The following WDR64 variants were observed in gnomAD, a reference collection of about 807,000 sequenced individuals.
WDR64 encodes WD repeat domain 64, also known as WD repeat-containing protein 64.
A neutral mutation model predicts 139.3 loss-of-function variants in WDR64; 112 were observed. The observed-to-expected ratio is 0.80, with a 90% CI of 0.69 to 0.94. The LOEUF (loss-of-function observed/expected upper bound fraction) is 0.94. Ranked by LOEUF, WDR64 falls within the 40% of genes least tolerant of loss-of-function variation. The probability of loss-of-function intolerance (pLI) is 0.00; values close to 1 mark genes in which losing one functional copy is unlikely to be tolerated. For synonymous variants in WDR64, 444 were observed against 437.7 expected, an observed-to-expected ratio of 1.01 and a Z score of -0.18; for missense variants, 1,206 against 1,293.1, an observed-to-expected ratio of 0.93 and a Z score of 1.03.
intron 9 of WDR64, among the ~76,000 whole-genome samples, chr1:241,718,387 T>C (rs1052585850): frequency 2.0e-5 from 3 of 152,122 alleles, no homozygotes; most frequent in Non-Finnish European, 4.4e-5. Flanking sequence ...TCTAAAAGGG[T>C]GTAAACCTGG....
At chr1:241,723,491 T>C in intron 10 of WDR64, 55 bp downstream of exon 10, 1 of 1,577,098 alleles carries the variant, frequency 6.3e-7, no homozygotes, top group Non-Finnish European at 8.6e-7. Flanking sequence ...AATTATCTGT[T>C]GGAAGGCATA....
Position 241,801,743 on chromosome 1 carries a change from A to G in WDR64, c.*528A>G, listed in dbSNP as rs568487447. The G allele has an allele frequency of 1.8e-5, 7 of 398,490 alleles. No homozygotes were observed. Among genetic ancestry groups the G allele is most frequent in the African/African-American group, 1.4e-4 (7 of 48,638 alleles). 24.7% of individuals were successfully genotyped at this position (398,490 alleles called of 1,614,324 possible). A position where few individuals can be genotyped will look rare whatever the true frequency, so the allele number is the denominator to read the frequency against. On this transcript the variant is annotated 3_prime_UTR_variant, in exon 28 of 28. Transcript: ENST00000437684. Reference sequence around the variant, plus strand: ...TTTCTCAAAGTCAGAAATTATTTCTATGTAGTCCAGACCTGACTCCAGATA... The same window carrying G: ...TTTCTCAAAGTCAGAAATTATTTCTGTGTAGTCCAGACCTGACTCCAGATA...
At chr1:241,707,260 T>G (rs1183813008) in intron 8 of WDR64, among the ~76,000 whole-genome samples, 1 of 152,174 alleles carries the variant, frequency 6.6e-6, no homozygotes, top group African/African-American at 2.4e-5. Context: ...ACTCACTGAC[T>G]GAGGACCCAC....
At chr1:241,781,754 A>G (rs1358668068) in intron 22 of WDR64, among the ~76,000 whole-genome samples, 11 of 149,370 alleles carry the variant, frequency 7.4e-5, no homozygotes, top group African/African-American at 2.7e-4. Context: ...TTATAAAAAT[A>G]GAAGAGAATG....
chr1:241,684,811 T>G (rs1203498815), intron 7 of WDR64, among the ~76,000 whole-genome samples: 2 of 152,122 alleles, frequency 1.3e-5, no homozygotes, highest in Non-Finnish European at 2.9e-5. Context: ...AGGCTGGAGT[T>G]CAGTGGCGCA....
At chr1:241,670,549 A>G (rs552457906) in intron 2 of WDR64, among the ~76,000 whole-genome samples, 2 of 152,208 alleles carry the variant, frequency 1.3e-5, no homozygotes, top group Non-Finnish European at 2.9e-5. Flanking sequence ...TAACCGCTCA[A>G]AAATCATGCA....
intron 15 of WDR64, among the ~76,000 whole-genome samples, chr1:241,764,858 A>G (rs1468095624): frequency 6.6e-6 from 1 of 152,210 alleles, no homozygotes; most frequent in African/African-American, 2.4e-5. Context: ...TCTAACTTGA[A>G]TGATGAACTG....
chr1:241,679,384 C>A (rs1558468528), intron 5 of WDR64, 101 bp from the exon 6 acceptor site: 4 of 985,852 alleles, frequency 4.1e-6, no homozygotes, highest in Non-Finnish European at 6.2e-6. Context: ...AATAAGGCAG[C>A]AAAATGGAGC....
Position 241,770,607 on chromosome 1 carries a change from C to T in WDR64, c.2184-14C>T, listed in dbSNP as rs190752767. The stretch of plus-strand genomic sequence containing the variant: ...TTAAAGTTTTACCTGTGGGCTTCCC[C>T]ACTCCCCTTATAGGAGATCAAGTCA... On this transcript the variant is annotated splice_polypyrimidine_tract_variant and intron_variant, in intron 17 of 27. Coordinates refer to ENST00000437684, the MANE Select transcript of WDR64 (RefSeq NM_001367482.1). 2.2e-5 allele frequency: 34 copies of T among 1,548,914 alleles called. No homozygotes were observed. In the East Asian group the frequency reaches 7.9e-4, roughly 36 times the overall value.
intron 10 of WDR64, among the ~76,000 whole-genome samples, chr1:241,729,869 T>G (rs1037926913): frequency 2.6e-5 from 4 of 152,232 alleles, no homozygotes; most frequent in Admixed American, 2.0e-4. Flanking sequence ...GTTTCTTTGA[T>G]AATTGGAAAC....
intron 9 of WDR64, among the ~76,000 whole-genome samples, chr1:241,715,236 T>C (rs1206801741): frequency 1.3e-5 from 2 of 152,160 alleles, no homozygotes; most frequent in Non-Finnish European, 2.9e-5. Context: ...ACCAAACTAA[T>C]TACAGTTATT....
intron 4 of WDR64, among the ~76,000 whole-genome samples, chr1:241,675,085 T>TTCCTTCCTCCCTCCCTC (rs1666459932): frequency 1.1e-4 from 2 of 17,692 alleles, no homozygotes; most frequent in South Asian, 4.4e-3. Context: ...CTCCCTCCCT[T>TTCCTTCCTCCCTCCCTC]CATCCTTCCT....
chr1:241,655,400 CA>C (rs975738227), intron 1 of WDR64, among the ~76,000 whole-genome samples: 1 of 152,174 alleles, frequency 6.6e-6, no homozygotes, highest in East Asian at 1.9e-4. Flanking sequence ...CCTCACCCCC[CA>C]AAAAATAGTC....
chr1:241,705,690 C>T (rs1373472983), intron 8 of WDR64, among the ~76,000 whole-genome samples: 3 of 152,064 alleles, frequency 2.0e-5, no homozygotes, highest in African/African-American at 7.2e-5. Flanking sequence ...TGGGATCAAG[C>T]AATCCTCCTG....
chr1:241,762,934 T>C (rs11587279), intron 15 of WDR64, among the ~76,000 whole-genome samples: 21,235 of 152,210 alleles, frequency 0.14, 1,770 homozygotes, highest in Non-Finnish European at 0.19. Flanking sequence ...GTTTAAATGA[T>C]AAGTAGGTTT....
chr1:241,700,758 G>T (rs994857461), intron 8 of WDR64, among the ~76,000 whole-genome samples: 2 of 152,152 alleles, frequency 1.3e-5, no homozygotes, highest in African/African-American at 4.8e-5. Flanking sequence ...TATCTCACAG[G>T]ATTTTTGTGA....
intron 8 of WDR64, among the ~76,000 whole-genome samples, chr1:241,704,492 C>T (rs61825802): frequency 0.14 from 21,422 of 152,100 alleles, 1,768 homozygotes; most frequent in Non-Finnish European, 0.19. Flanking sequence ...TACTGGAAAG[C>T]AGGCCATCTT....
chr1:241,779,540 TATGGGCCAGGTGTGGA>T (rs1446431557), intron 21 of WDR64, among the ~76,000 whole-genome samples: 1 of 152,142 alleles, frequency 6.6e-6, no homozygotes, highest in African/African-American at 2.4e-5. Flanking sequence ...TAAAAATGAA[TATGGGCCAGGTGTGGA>T]GGCCCATGCC....
intron 1 of WDR64, 25 bp from the exon 2 acceptor site, chr1:241,660,505 A>G (rs12740841): frequency 0.023 from 35,018 of 1,547,216 alleles, 435 homozygotes; most frequent in Non-Finnish European, 0.027. Context: ...TTTGATGAAA[A>G]TGGACTGTAC....
Sources: allele counts gnomAD v4.1 joint callset (sites outside exome capture counted in the v4.1 genomes callset), GRCh38; gene constraint gnomAD v4.1.1; transcripts MANE v1.5; gene names NCBI Gene and HGNC (gene_info 2026-07-23, HGNC 2026-07-21).